Variants in L3MBTL4 observed in about 807,000 individuals in gnomAD.
The protein encoded by L3MBTL4 is L3MBTL histone methyl-lysine binding protein 4.
In L3MBTL4, 70 loss-of-function variants were observed where a neutral mutation model predicts 84.5. The observed-to-expected ratio is 0.83, with a 90% CI of 0.68 to 1.01. L3MBTL4 has a LOEUF of 1.01. Among genes scored for constraint, L3MBTL4 ranks in the 50% least tolerant of loss-of-function variants. L3MBTL4 has a pLI of 0.00. For synonymous variants in L3MBTL4, 274 were observed against 259.8 expected, an observed-to-expected ratio of 1.05 and a Z score of -0.52; for missense variants, 715 against 754.8, an observed-to-expected ratio of 0.95 and a Z score of 0.62.
At chr18:5,975,622 A>G (rs1218905778) in intron 16 of L3MBTL4, among the ~76,000 whole-genome samples, 1 of 152,206 alleles carries the variant, frequency 6.6e-6, no homozygotes, top group African/African-American at 2.4e-5. Context: ...TCTCAGCTGC[A>G]CTTTCTTCTC....
At chr18:6,378,534 T>A (rs111631061) in intron 1 of L3MBTL4, among the ~76,000 whole-genome samples, 3 of 152,256 alleles carry the variant, frequency 2.0e-5, no homozygotes, top group African/African-American at 7.2e-5. Context: ...GCTTTCTGCA[T>A]ATGGCTAGCC....
intron 16 of L3MBTL4, among the ~76,000 whole-genome samples, chr18:5,973,704 T>C (rs2052763741): frequency 6.6e-6 from 1 of 152,158 alleles, no homozygotes; most frequent in Non-Finnish European, 1.5e-5. Context: ...TTTGGGTAAA[T>C]GGAGCCTTCC....
At chr18:6,300,500 C>A (rs558488656) in intron 4 of L3MBTL4, among the ~76,000 whole-genome samples, 1 of 152,134 alleles carries the variant, frequency 6.6e-6, no homozygotes, top group Non-Finnish European at 1.5e-5. Context: ...TCCAACTGGA[C>A]GCTCCCAGAC....
In L3MBTL4 at chr18:6,386,304, C is replaced by T. The variant is rs142451927; in HGVS notation, c.-91+28497G>A. Among the ~76,000 whole-genome samples the T allele has an allele frequency of 4.9e-3, 742 of 152,292 alleles. 6 individuals carry two copies. Among genetic ancestry groups the T allele is most frequent in the African/African-American group, 0.017 (702 of 41,558 alleles). On this transcript the variant is annotated intron_variant, in intron 1 of 18. Coordinates refer to ENST00000317931, the MANE Select transcript of L3MBTL4 (RefSeq NM_001330559.2). ...AGAAGAGCATAGGCCTTGGTGCAGA[C>T]GGCCTGCCATTGATGTCTGGGGAAG...
chr18:6,003,744 G>A (rs1375276551), intron 16 of L3MBTL4, among the ~76,000 whole-genome samples: 1 of 151,938 alleles, frequency 6.6e-6, no homozygotes, highest in Non-Finnish European at 1.5e-5. Context: ...AATAACAGAA[G>A]AAAAACTGGA....
intron 1 of L3MBTL4, among the ~76,000 whole-genome samples, chr18:6,393,405 G>C (rs76076748): frequency 0.014 from 2,081 of 152,244 alleles, 48 homozygotes; most frequent in African/African-American, 0.048. Flanking sequence ...GTGACACAGG[G>C]AGAGGATCAG....
At chr18:6,404,200 C>T (rs557765143) in intron 1 of L3MBTL4, among the ~76,000 whole-genome samples, 1 of 152,110 alleles carries the variant, frequency 6.6e-6, no homozygotes, top group Non-Finnish European at 1.5e-5. Flanking sequence ...CACTAAAGAA[C>T]TTACCCATGT....
At chr18:6,202,894 A>G (rs972789136) in intron 12 of L3MBTL4, among the ~76,000 whole-genome samples, 9 of 152,198 alleles carry the variant, frequency 5.9e-5, no homozygotes, top group Admixed American at 6.5e-5. Context: ...ACAGCAGTAG[A>G]TACAATTTTT....
At chr18:6,345,310 T>C (rs2052835456) in intron 1 of L3MBTL4, among the ~76,000 whole-genome samples, 1 of 149,586 alleles carries the variant, frequency 6.7e-6, no homozygotes, top group Non-Finnish European at 1.5e-5. Context: ...GGCAGGAGAA[T>C]TGCTTTAACC....
intron 8 of L3MBTL4, 61 bp downstream of exon 8, chr18:6,241,297 G>A: frequency 2.1e-6 from 2 of 957,166 alleles, no homozygotes; most frequent in Non-Finnish European, 3.3e-6. Flanking sequence ...AATATATAGT[G>A]AATTTTAAGA....
intron 1 of L3MBTL4, among the ~76,000 whole-genome samples, chr18:6,325,384 T>A (rs1826406040): frequency 6.6e-6 from 1 of 152,188 alleles, no homozygotes; most frequent in Non-Finnish European, 1.5e-5. Flanking sequence ...GGTATCTTGC[T>A]ATGTTGCCCA....
intron 1 of L3MBTL4, among the ~76,000 whole-genome samples, chr18:6,337,243 T>C (rs1008912511): frequency 4.6e-5 from 7 of 152,072 alleles, no homozygotes; most frequent in African/African-American, 1.7e-4. Context: ...GCCAAAAATG[T>C]TCCAAAACTG....
At chr18:6,321,952 T>C (rs950867076) in intron 1 of L3MBTL4, among the ~76,000 whole-genome samples, 3 of 152,206 alleles carry the variant, frequency 2.0e-5, no homozygotes, top group Non-Finnish European at 4.4e-5. Flanking sequence ...TGGTATAATG[T>C]ACACTACTCA....
In L3MBTL4 at chr18:5,969,462, T is replaced by C. The variant is rs771797079; in HGVS notation, c.1545A>G (p.Gln515=). Residue 515 remains glutamine (Q), a synonymous_variant, in exon 17 of 19, where the codon CAA becomes CAG. Coordinates refer to ENST00000317931, the MANE Select transcript of L3MBTL4 (RefSeq NM_001330559.2). Reference sequence around the variant, plus strand: ...CCACGCCTGGAAGCAACTTGCAGTGTTGCTCCCTGCCGAGGGGAAGGTCCC... The same window carrying C: ...CCACGCCTGGAAGCAACTTGCAGTGCTGCTCCCTGCCGAGGGGAAGGTCCC... ...PFRDLPLGRE[Q]HCKLLPGVAD... 5 of 1,613,968 alleles carry C rather than the reference T, an allele frequency of 3.1e-6. No homozygotes were observed. The South Asian group carries it at 4.4e-5, about 14-fold the overall frequency.
chr18:6,263,688 T>C (rs531349023), intron 5 of L3MBTL4, among the ~76,000 whole-genome samples: 1 of 152,270 alleles, frequency 6.6e-6, no homozygotes, highest in East Asian at 1.9e-4. Context: ...AGGAGAAAGG[T>C]AGGGAACCTT....
intron 12 of L3MBTL4, among the ~76,000 whole-genome samples, chr18:6,178,300 G>T (rs1396799335): frequency 1.3e-5 from 2 of 152,094 alleles, no homozygotes; most frequent in Admixed American, 1.3e-4. Flanking sequence ...AACAAGGGCT[G>T]TCTAAACTCT....
At chr18:6,244,659 C>G (rs956084655) in intron 5 of L3MBTL4, 71 bp from the exon 6 acceptor site, 12 of 1,040,686 alleles carry the variant, frequency 1.2e-5, no homozygotes, top group Admixed American at 1.8e-5. Flanking sequence ...TATTTGGTGT[C>G]ACCTCTAGGT....
chr18:6,164,456 C>T (rs574157196), intron 13 of L3MBTL4, among the ~76,000 whole-genome samples: 7 of 152,316 alleles, frequency 4.6e-5, no homozygotes, highest in East Asian at 1.9e-4. Flanking sequence ...ACACCTCACA[C>T]GGCTGGGTAC....
intron 4 of L3MBTL4, among the ~76,000 whole-genome samples, chr18:6,291,358 C>A (rs949582033): frequency 6.6e-6 from 1 of 151,986 alleles, no homozygotes; most frequent in Non-Finnish European, 1.5e-5. Flanking sequence ...TTAATTCAAC[C>A]CAGTCAACCA....
Sources: allele counts gnomAD v4.1 joint callset (sites outside exome capture counted in the v4.1 genomes callset), GRCh38; gene constraint gnomAD v4.1.1; transcripts MANE v1.5; gene names NCBI Gene and HGNC (gene_info 2026-07-23, HGNC 2026-07-21).